Variants in ADGRL2 observed in about 807,000 individuals in gnomAD.
The protein encoded by ADGRL2 is adhesion G protein-coupled receptor L2.
In ADGRL2, 44 loss-of-function variants were observed where a neutral mutation model predicts 157.4. The ratio of observed to expected loss-of-function variants is 0.28; its 90% CI spans 0.22 to 0.36. ADGRL2 has a LOEUF of 0.36. Among genes scored for constraint, ADGRL2 ranks in the 10% least tolerant of loss-of-function variants. ADGRL2 has a pLI of 1.00. For synonymous variants in ADGRL2, 585 were observed against 624.7 expected (o/e 0.94, Z 0.95); for missense variants, 1,510 against 1,768.9 (o/e 0.85, Z 2.63).
chr1:81,699,251 C>T (rs1478855482), upstream of ADGRL2, among the ~76,000 whole-genome samples: 1 of 151,990 alleles, frequency 6.6e-6, no homozygotes, highest in Admixed American at 6.6e-5. Context: ...TAAAAAGAGC[C>T]CATTTTTGCT....
At chr1:81,731,092 A>T (rs1311619286) in intron 1 of ADGRL2, among the ~76,000 whole-genome samples, 1 of 152,208 alleles carries the variant, frequency 6.6e-6, no homozygotes, top group Non-Finnish European at 1.5e-5. Context: ...TAGGCTGTGT[A>T]GGCAAGCACA....
intron 1 of ADGRL2, among the ~76,000 whole-genome samples, chr1:81,753,385 C>G (rs2085556065): frequency 6.6e-6 from 1 of 152,096 alleles, no homozygotes; most frequent in Non-Finnish European, 1.5e-5. Flanking sequence ...ATACCCGCCC[C>G]CATGATTCAG....
chr1:81,654,878 C>T (rs533194439), intron 3 of ADGRL2, among the ~76,000 whole-genome samples: 4 of 152,294 alleles, frequency 2.6e-5, no homozygotes, highest in Non-Finnish European at 5.9e-5. Context: ...CAGGTCTGTC[C>T]GTTAATCTCT....
At chr1:81,616,217 C>A (rs1330093689) in intron 3 of ADGRL2, among the ~76,000 whole-genome samples, 1 of 152,152 alleles carries the variant, frequency 6.6e-6, no homozygotes, top group Non-Finnish European at 1.5e-5. Flanking sequence ...TCACATGCTT[C>A]CTGACAGAAA....
chr1:81,509,310 C>T (rs1389830430), intron 2 of ADGRL2, among the ~76,000 whole-genome samples: 1 of 152,060 alleles, frequency 6.6e-6, no homozygotes, highest in Non-Finnish European at 1.5e-5. Flanking sequence ...TCAAGACATA[C>T]TGTCTTCCAT....
At chr1:81,987,622 A>G (rs1290226778) in intron 22 of ADGRL2, among the ~76,000 whole-genome samples, 1 of 151,656 alleles carries the variant, frequency 6.6e-6, no homozygotes, top group Non-Finnish European at 1.5e-5. Context: ...ATATATTACT[A>G]TGTTGTTTAA....
rs189499212 is a variant in ADGRL2 at position 81,598,222 on chromosome 1, G to A, written c.-143+17242G>A. On this transcript the variant is annotated intron_variant, in intron 3 of 24. Transcript: ENST00000370721. ...GGTCTTGGTTAGCCAAACTCAACAA[G>A]GTTAAGCAATTTATCCAACCAGAGT... Among the ~76,000 whole-genome samples, 17 of 152,260 alleles carry A rather than the reference G, an allele frequency of 1.1e-4. No individual in the cohort carries two copies. In the East Asian group the frequency reaches 2.9e-3, roughly 26 times the overall value.
At chr1:81,447,533 G>T (rs1259539951) in intron 2 of ADGRL2, among the ~76,000 whole-genome samples, 2 of 152,002 alleles carry the variant, frequency 1.3e-5, no homozygotes, top group African/African-American at 4.8e-5. Flanking sequence ...TACATGGCAG[G>T]GATTGCATTT....
At chr1:81,308,505 C>T (rs757904316) in intron 1 of ADGRL2, among the ~76,000 whole-genome samples, 3 of 152,056 alleles carry the variant, frequency 2.0e-5, no homozygotes, top group Non-Finnish European at 2.9e-5. Flanking sequence ...AACAAAGGAA[C>T]GCCATGTAAT....
intron 6 of ADGRL2, among the ~76,000 whole-genome samples, chr1:81,948,930 T>C (rs1650854441): frequency 1.3e-5 from 2 of 152,164 alleles, no homozygotes; most frequent in Admixed American, 1.3e-4. Flanking sequence ...TTTTTCGTAG[T>C]TTACTGTCAG....
At chr1:81,933,472 TAAAC>T (rs2148812810) in intron 3 of ADGRL2, among the ~76,000 whole-genome samples, 1 of 152,288 alleles carries the variant, frequency 6.6e-6, no homozygotes, top group African/African-American at 2.4e-5. Flanking sequence ...TACAAACGAC[TAAAC>T]ACTTTTTCTT....
intron 2 of ADGRL2, among the ~76,000 whole-genome samples, chr1:81,445,550 C>T (rs2077582691): frequency 6.6e-6 from 1 of 152,234 alleles, no homozygotes; most frequent in South Asian, 2.1e-4. Context: ...GAAGTGTGGG[C>T]TGAAGGGACT....
chr1:81,544,327 A>C (rs2079961446), intron 2 of ADGRL2, among the ~76,000 whole-genome samples: 1 of 152,222 alleles, frequency 6.6e-6, no homozygotes, highest in African/African-American at 2.4e-5. Context: ...AAAGAAAAGA[A>C]TATTCTCCAT....
At chr1:81,317,735 T>A (rs1261902626) in intron 1 of ADGRL2, among the ~76,000 whole-genome samples, 3 of 152,188 alleles carry the variant, frequency 2.0e-5, no homozygotes. Flanking sequence ...TTCTTAAAAT[T>A]TTTTGAAACA....
intron 1 of ADGRL2, among the ~76,000 whole-genome samples, chr1:81,756,668 T>C (rs1429758490): frequency 6.6e-6 from 1 of 152,172 alleles, no homozygotes; most frequent in East Asian, 1.9e-4. Context: ...GACAAAGAGA[T>C]GTTGTATTTT....
At chr1:81,808,046 C>T (rs926634370) in intron 1 of ADGRL2, among the ~76,000 whole-genome samples, 12 of 151,614 alleles carry the variant, frequency 7.9e-5, no homozygotes, top group Non-Finnish European at 1.5e-4. Context: ...AGGAACCAAG[C>T]GCTTAACATC....
intron 2 of ADGRL2, among the ~76,000 whole-genome samples, chr1:81,874,665 C>CTGTCA (rs2093788089): frequency 1.3e-5 from 2 of 150,604 alleles, no homozygotes; most frequent in East Asian, 3.9e-4. Context: ...CTGTCCTGTC[C>CTGTCA]TGTCCTGTCA....
At chr1:81,362,289 GAGA>G (rs988421403) in intron 1 of ADGRL2, among the ~76,000 whole-genome samples, 1 of 151,834 alleles carries the variant, frequency 6.6e-6, no homozygotes, top group African/African-American at 2.4e-5. Context: ...AGTGCCACAT[GAGA>G]AGATTTTTCA....
At chr1:81,787,481 C>G (rs1044651147) in intron 2 of ADGRL2, among the ~76,000 whole-genome samples, 1 of 151,680 alleles carries the variant, frequency 6.6e-6, no homozygotes, top group African/African-American at 2.4e-5. Flanking sequence ...ATGGTGAAAC[C>G]CTATCTCTAC....
Sources: allele counts gnomAD v4.1 joint callset (sites outside exome capture counted in the v4.1 genomes callset), GRCh38; gene constraint gnomAD v4.1.1; transcripts MANE v1.5; gene names NCBI Gene and HGNC (gene_info 2026-07-23, HGNC 2026-07-21).